TRAF3IP2: variants seen among roughly 807,000 people sequenced by gnomAD.
TRAF3IP2 encodes the protein E3 ubiquitin ligase TRAF3IP2.
TRAF3IP2 carries 35 observed loss-of-function variants against 57.9 expected under a neutral mutation model. The observed-to-expected ratio is 0.60, with a 90% confidence interval of 0.46 to 0.80. The LOEUF is 0.80. TRAF3IP2 is among the 30% of genes least tolerant of loss of function. TRAF3IP2 has a pLI of 0.00. For missense variants in TRAF3IP2, 556 were observed against 706.4 expected, an observed-to-expected ratio of 0.79 and a Z score of 2.41; for synonymous variants, 251 against 268.9, an observed-to-expected ratio of 0.93 and a Z score of 0.65.
intron 2 of TRAF3IP2, among the ~76,000 whole-genome samples, chr6:111,580,877 C>T (rs906525750): frequency 6.6e-6 from 1 of 152,236 alleles, no homozygotes; most frequent in Non-Finnish European, 1.5e-5. Context: ...CACACACACC[C>T]CACTCTCCTC....
At chr6:111,597,767 C>T in intron 1 of TRAF3IP2, 1 of 449,420 alleles carries the variant, frequency 2.2e-6, no homozygotes, top group Non-Finnish European at 4.5e-6. Flanking sequence ...GATGGAACAG[C>T]TGTGCATGTG....
intron 1 of TRAF3IP2, among the ~76,000 whole-genome samples, chr6:111,599,232 C>G (rs1187842632): frequency 1.3e-5 from 2 of 152,072 alleles, no homozygotes; most frequent in Non-Finnish European, 2.9e-5. Flanking sequence ...AATCTCTGGA[C>G]TCTCATCACC....
chr6:111,571,924 A>AAAG (rs1795844752), intron 5 of TRAF3IP2, among the ~76,000 whole-genome samples: 1 of 152,094 alleles, frequency 6.6e-6, no homozygotes, highest in African/African-American at 2.4e-5. Flanking sequence ...CAAAAAAAAA[A>AAAG]AAAAAATTAT....
Position 111,600,581 on chromosome 6 carries a change from T to C in TRAF3IP2, c.-9+5195A>G, listed in dbSNP as rs145177176. 13 of 152,352 alleles carry C rather than the reference T, an allele frequency of 8.5e-5. No individual in the cohort carries two copies. The East Asian group carries it at 2.1e-3, about 25-fold the overall frequency. The allele number at this position is 152,352 out of a possible 1,614,324, so 9.4% of individuals were successfully genotyped here. ...TGCAAAGGGGACAGATAGTAAATAGTTTAAGCCTTATGGGCCACATGCTGT... is the reference window on the plus strand; with the variant it reads ...TGCAAAGGGGACAGATAGTAAATAGCTTAAGCCTTATGGGCCACATGCTGT... On this transcript the variant is annotated intron_variant, in intron 1 of 8. Coordinates refer to ENST00000368761, the MANE Select transcript of TRAF3IP2 (RefSeq NM_147686.4).
At chr6:111,598,028 T>C (rs1796749338) in intron 1 of TRAF3IP2, 11 of 401,570 alleles carry the variant, frequency 2.7e-5, no homozygotes, top group South Asian at 2.0e-4. Flanking sequence ...GGCAGTGCCC[T>C]GGGTCATCTC....
intron 4 of TRAF3IP2, among the ~76,000 whole-genome samples, chr6:111,573,365 A>G (rs1269532364): frequency 3.3e-5 from 5 of 152,132 alleles, no homozygotes. Context: ...CCAGCAGGCA[A>G]AGAAGCTAAA....
chr6:111,569,785 A>C (rs997190285), intron 5 of TRAF3IP2, among the ~76,000 whole-genome samples: 9 of 152,060 alleles, frequency 5.9e-5, no homozygotes, highest in Admixed American at 5.9e-4. Context: ...AAAAATAGTG[A>C]TTATTGTTAT....
intron 2 of TRAF3IP2, among the ~76,000 whole-genome samples, chr6:111,581,257 G>A (rs1388317694): frequency 6.6e-6 from 1 of 152,210 alleles, no homozygotes; most frequent in African/African-American, 2.4e-5. Flanking sequence ...GGGCTCTGAG[G>A]GAATGGCCCA....
intron 3 of TRAF3IP2, 143 bp from the exon 4 acceptor site, chr6:111,575,964 G>C (rs1305572236): frequency 6.2e-6 from 5 of 802,718 alleles, no homozygotes; most frequent in Non-Finnish European, 9.6e-6. Context: ...AGAAGGAAGA[G>C]GGGAGCTCCA....
intron 7 of TRAF3IP2, among the ~76,000 whole-genome samples, chr6:111,563,265 A>C (rs960195750): frequency 6.6e-6 from 1 of 152,146 alleles, no homozygotes; most frequent in Non-Finnish European, 1.5e-5. Context: ...TTTGGGTTTT[A>C]AGGATTAGGA....
intron 6 of TRAF3IP2, 38 bp downstream of exon 6, chr6:111,567,586 C>T (rs752587460): frequency 6.3e-7 from 1 of 1,575,130 alleles, no homozygotes; most frequent in Non-Finnish European, 8.6e-7. Flanking sequence ...TTGTCTTTCT[C>T]ACCAGAAAAC....
chr6:111,601,111 C>A, intron 1 of TRAF3IP2: 1 of 687,940 alleles, frequency 1.5e-6, no homozygotes, highest in South Asian at 1.6e-5. Flanking sequence ...CTGACTGGTT[C>A]AGCTATTGGG....
At chr6:111,594,132 CAAAA>C (rs36108891) in intron 1 of TRAF3IP2, among the ~76,000 whole-genome samples, 1 of 124,020 alleles carries the variant, frequency 8.1e-6, no homozygotes, top group Non-Finnish European at 1.7e-5. Context: ...ACTCCATCTC[CAAAA>C]AAAAAAAAAA....
At chr6:111,604,327 G>A (rs573112929) in intron 1 of TRAF3IP2, among the ~76,000 whole-genome samples, 29 of 152,324 alleles carry the variant, frequency 1.9e-4, no homozygotes, top group African/African-American at 7.0e-4. Flanking sequence ...GTATTAGGAT[G>A]TGTTTCATAG....
intron 5 of TRAF3IP2, among the ~76,000 whole-genome samples, chr6:111,571,145 G>A (rs192858838): frequency 1.9e-3 from 282 of 148,532 alleles, no homozygotes; most frequent in Middle Eastern, 3.6e-3. Context: ...GCGAGATCTC[G>A]GCTCACTGCA....
At chr6:111,566,393 G>C in intron 7 of TRAF3IP2, 51 bp downstream of exon 7, 14 of 1,421,160 alleles carry the variant, frequency 9.9e-6, no homozygotes, top group Non-Finnish European at 1.4e-5. Flanking sequence ...CCCTGGACAA[G>C]GTATCCATCC....
At chr6:111,590,889 G>A (rs1048593221) in intron 2 of TRAF3IP2, among the ~76,000 whole-genome samples, 2 of 152,174 alleles carry the variant, frequency 1.3e-5, no homozygotes, top group Admixed American at 1.3e-4. Context: ...GGGGAAGAAA[G>A]ATGACGAGAA....
At chr6:111,593,691 C>A (rs1167778763) in intron 1 of TRAF3IP2, among the ~76,000 whole-genome samples, 2 of 152,152 alleles carry the variant, frequency 1.3e-5, no homozygotes, top group African/African-American at 2.4e-5. Flanking sequence ...CTTTCCCTGT[C>A]CTTGTCCTTT....
chr6:111,560,996 A>T (rs1235456640), intron 8 of TRAF3IP2, among the ~76,000 whole-genome samples: 1 of 152,194 alleles, frequency 6.6e-6, no homozygotes, highest in East Asian at 1.9e-4. Flanking sequence ...AGCCTGGCCA[A>T]CATGGTGAAA....
Sources: allele counts gnomAD v4.1 joint callset (sites outside exome capture counted in the v4.1 genomes callset), GRCh38; gene constraint gnomAD v4.1.1; transcripts MANE v1.5; gene names NCBI Gene and HGNC (gene_info 2026-07-23, HGNC 2026-07-21).